Variants in CDH20 observed in about 807,000 individuals in gnomAD.
CDH20 encodes cadherin 20, also known as cadherin-20.
A neutral mutation model predicts 74.2 loss-of-function variants in CDH20; 29 were observed. The ratio of observed to expected loss-of-function variants is 0.39; its 90% CI spans 0.29 to 0.53. CDH20 has a LOEUF of 0.53. Among genes scored for constraint, CDH20 ranks in the 20% least tolerant of loss-of-function variants. The probability of loss-of-function intolerance (pLI) is 0.69; values close to 1 mark genes in which losing one functional copy is unlikely to be tolerated. For synonymous variants in CDH20, 469 were observed against 405.4 expected (o/e 1.16, Z -1.88); for missense variants, 988 against 1,048.3 (o/e 0.94, Z 0.79).
chr18:61,525,412 G>T (rs72995632), intron 6 of CDH20, among the ~76,000 whole-genome samples: 1 of 152,234 alleles, frequency 6.6e-6, no homozygotes, highest in Non-Finnish European at 1.5e-5. Flanking sequence ...TTTTAAGAGC[G>T]TATAAATGTA....
At chr18:61,355,888 A>G (rs917644586) in intron 1 of CDH20, among the ~76,000 whole-genome samples, 13 of 152,256 alleles carry the variant, frequency 8.5e-5, no homozygotes, top group African/African-American at 3.1e-4. Flanking sequence ...AGATTGAAGG[A>G]AAGAGATAAA....
intron 1 of CDH20, among the ~76,000 whole-genome samples, chr18:61,416,676 G>A (rs769457919): frequency 1.4e-4 from 22 of 152,182 alleles, no homozygotes; most frequent in Non-Finnish European, 2.6e-4. Context: ...GTCACCAATG[G>A]CATTTCTGCT....
At chr18:61,544,747 G>A (rs1168862512) in intron 9 of CDH20, among the ~76,000 whole-genome samples, 2 of 152,088 alleles carry the variant, frequency 1.3e-5, no homozygotes, top group South Asian at 2.1e-4. Flanking sequence ...AGAATGGGGG[G>A]CGTGGTGGGC....
chr18:61,389,680 T>C (rs1320351374), intron 1 of CDH20, among the ~76,000 whole-genome samples: 3 of 152,218 alleles, frequency 2.0e-5, no homozygotes, highest in Non-Finnish European at 2.9e-5. Context: ...ATAATTAGTA[T>C]AGTAGTATAA....
intron 1 of CDH20, among the ~76,000 whole-genome samples, chr18:61,454,673 G>A (rs1441279320): frequency 2.0e-5 from 3 of 152,144 alleles, no homozygotes; most frequent in East Asian, 3.9e-4. Flanking sequence ...CAAATAACCT[G>A]CAGGATCTTG....
At chr18:61,439,722 T>C (rs577298664) in intron 1 of CDH20, among the ~76,000 whole-genome samples, 1 of 152,254 alleles carries the variant, frequency 6.6e-6, no homozygotes, top group Admixed American at 6.5e-5. Flanking sequence ...TTCCTATTTT[T>C]ATTATACTGC....
chr18:61,528,106 C>G lies in CDH20; in HGVS notation c.1157C>G (p.Pro386Arg), dbSNP rs1290999341. 6.2e-7 allele frequency: 1 copy of G among 1,613,968 alleles called. No homozygotes were observed. The highest frequency in any genetic ancestry group is 8.5e-7 in the Non-Finnish European group (1 of 1,180,020). ...VHISVEDVDE[P>R]PVFEPGFYFV... Reference sequence around the variant, plus strand: ...ATCAGTGTGGAAGACGTGGACGAGCCCCCTGTGTTTGAACCTGGCTTTTAC... The same window carrying G: ...ATCAGTGTGGAAGACGTGGACGAGCGCCCTGTGTTTGAACCTGGCTTTTAC... Residue 386 changes from proline (P) to arginine (R), a missense_variant, in exon 7 of 12, where the codon CCC (proline) becomes CGC (arginine). Coordinates refer to ENST00000262717, the MANE Select transcript of CDH20 (RefSeq NM_031891.4).
At chr18:61,433,738 C>A (rs1321287862) in intron 1 of CDH20, among the ~76,000 whole-genome samples, 2 of 152,130 alleles carry the variant, frequency 1.3e-5, no homozygotes, top group Non-Finnish European at 2.9e-5. Flanking sequence ...TGGGCACTTG[C>A]CTCTCCTGGT....
intron 1 of CDH20, among the ~76,000 whole-genome samples, chr18:61,338,345 G>A (rs935041109): frequency 1.3e-5 from 2 of 151,758 alleles, no homozygotes; most frequent in Non-Finnish European, 2.9e-5. Flanking sequence ...GCTAACTAGT[G>A]TTTCAGAATA....
At chr18:61,440,417 C>T (rs28619295) in intron 1 of CDH20, among the ~76,000 whole-genome samples, 11,321 of 152,204 alleles carry the variant, frequency 0.074, 800 homozygotes, top group East Asian at 0.21. Flanking sequence ...AAAACTACTA[C>T]TTAGGAGTTG....
intron 1 of CDH20, among the ~76,000 whole-genome samples, chr18:61,486,066 CCA>C (rs1331375351): frequency 1.1e-5 from 1 of 87,826 alleles, no homozygotes; most frequent in African/African-American, 5.0e-5. Flanking sequence ...GAGCGAGACT[CCA>C]TCTCAAAAAA....
rs545512053 is a variant in CDH20 at position 61,333,983 on chromosome 18, G to C, written c.-153+156G>C. Among the ~76,000 whole-genome samples the C allele has an allele frequency of 3.3e-5, 5 of 152,292 alleles. No homozygotes were observed. In the South Asian group the frequency reaches 8.3e-4, roughly 25 times the overall value. ...TCCCTGCCACCTCGACGAGCCTACC[G>C]GCCGCTCCGAGTTCGACTTCCTCGG... On this transcript the variant is annotated intron_variant, in intron 1 of 11. Transcript: ENST00000262717.
chr18:61,406,842 T>A (rs1422095086), intron 1 of CDH20, among the ~76,000 whole-genome samples: 1 of 151,522 alleles, frequency 6.6e-6, no homozygotes, highest in African/African-American at 2.4e-5. Context: ...TGGGGAAACA[T>A]CATTAAAAAC....
chr18:61,469,135 T>G (rs1412350264), intron 1 of CDH20, among the ~76,000 whole-genome samples: 2 of 152,192 alleles, frequency 1.3e-5, no homozygotes, highest in Non-Finnish European at 2.9e-5. Flanking sequence ...AACTTCAGAA[T>G]TCAATTTTCA....
intron 1 of CDH20, chr18:61,334,272 A>C (rs987799278): frequency 1.3e-5 from 2 of 152,010 alleles, no homozygotes; most frequent in Non-Finnish European, 2.9e-5. Context: ...CCTCGCACAG[A>C]GATGTGCGCC....
chr18:61,354,029 C>G (rs889142166), intron 1 of CDH20, among the ~76,000 whole-genome samples: 6 of 136,464 alleles, frequency 4.4e-5, no homozygotes, highest in South Asian at 2.4e-4. Flanking sequence ...GGGTGACAGA[C>G]AGAGACCCTG....
chr18:61,490,485 A>C lies in CDH20; in HGVS notation c.-69A>C. ...CCAATCAAAAACTGTGTATTTTTTT[A>C]AATTTGGAAAATACTCAAGTTCCAG... is the stretch of plus-strand genomic sequence containing the variant. On this transcript the variant is annotated 5_prime_UTR_variant, in exon 2 of 12. Coordinates refer to ENST00000262717, the MANE Select transcript of CDH20 (RefSeq NM_031891.4). 1 of 1,507,532 alleles carries C rather than the reference A, an allele frequency of 6.6e-7. No homozygotes were observed. 93.4% of individuals were successfully genotyped at this position (1,507,532 alleles called of 1,614,324 possible). A position where few individuals can be genotyped will look rare whatever the true frequency, so the allele number is the denominator to read the frequency against.
In CDH20 at chr18:61,515,855, C is replaced by T. The variant is rs568305731; in HGVS notation, c.1017+8295C>T. On this transcript the variant is annotated intron_variant, in intron 6 of 11. Coordinates refer to ENST00000262717, the MANE Select transcript of CDH20 (RefSeq NM_031891.4). ...ATGATGAGTTAGTGGGTGCAGCGCA[C>T]CAGCATGGCACATGTATACATATGT... is the stretch of plus-strand genomic sequence containing the variant. Among the ~76,000 whole-genome samples, 101 of 151,004 alleles carry T rather than the reference C, an allele frequency of 6.7e-4. 1 individual carries two copies. In the East Asian group the frequency reaches 8.8e-3, roughly 13 times the overall value.
intron 1 of CDH20, among the ~76,000 whole-genome samples, chr18:61,479,477 C>A (rs572232682): frequency 6.6e-6 from 1 of 152,294 alleles, no homozygotes; most frequent in East Asian, 1.9e-4. Flanking sequence ...CTTCGCCCTT[C>A]AACAGTTATA....
Sources: gnomAD v4.1 joint callset for allele counts (sites outside exome capture counted in the v4.1 genomes callset) on GRCh38, gnomAD v4.1.1 for gene constraint, MANE v1.5 for transcripts, NCBI Gene and HGNC (gene_info 2026-07-23, HGNC 2026-07-21) for gene names.